Variants in XIRP2 observed in about 807,000 individuals in gnomAD.
The protein encoded by XIRP2 is xin actin binding repeat containing 2, also known as xin actin-binding repeat-containing protein 2.
In XIRP2, 236 loss-of-function variants were observed where a neutral mutation model predicts 277.0. The observed-to-expected ratio is 0.85, with a 90% CI of 0.77 to 0.95. The LOEUF (loss-of-function observed/expected upper bound fraction) is 0.95, where lower values mean the gene tolerates loss of function less well. Ranked by LOEUF, XIRP2 falls within the 40% of genes least tolerant of loss-of-function variation. The pLI is 0.00. For missense variants in XIRP2, 4,640 were observed against 4,157.5 expected (o/e 1.12, Z -3.19); for synonymous variants, 1,490 against 1,416.5 (o/e 1.05, Z -1.17).
At chr2:167,005,593 T>C (rs1186490423) in intron 2 of XIRP2, among the ~76,000 whole-genome samples, 1 of 151,842 alleles carries the variant, frequency 6.6e-6, no homozygotes, top group Non-Finnish European at 1.5e-5. Context: ...GAGAAGGCTT[T>C]AGAATGAATT....
chr2:167,185,061 A>T (rs1285064567), intron 3 of XIRP2, among the ~76,000 whole-genome samples: 1 of 152,150 alleles, frequency 6.6e-6, no homozygotes, highest in Non-Finnish European at 1.5e-5. Flanking sequence ...TTATTAAATG[A>T]AGAATGAAAT....
At chr2:167,021,999 A>G (rs746039177) in intron 2 of XIRP2, among the ~76,000 whole-genome samples, 6 of 152,230 alleles carry the variant, frequency 3.9e-5, no homozygotes, top group Middle Eastern at 3.4e-3. Context: ...AAAAGTAAAG[A>G]TTAAACTATG....
intron 2 of XIRP2, among the ~76,000 whole-genome samples, chr2:166,925,828 G>A (rs1190790225): frequency 2.0e-5 from 3 of 151,504 alleles, no homozygotes; most frequent in Admixed American, 6.6e-5. Flanking sequence ...TAAGCACTTC[G>A]GGAGGCCTAG....
Position 167,227,943 on chromosome 2 carries a change from G to A in XIRP2, c.858+9643G>A, listed in dbSNP as rs139499477. On this transcript the variant is annotated intron_variant, in intron 5 of 10. Coordinates refer to ENST00000409195, the MANE Select transcript of XIRP2 (RefSeq NM_152381.6). ...GGGTGATGCAACCTATACATCTAAC[G>A]TGTCTTGGGTTTGTATCTTTGATAT... Among the ~76,000 whole-genome samples the A allele has an allele frequency of 3.3e-5, 5 of 151,918 alleles. No individual in the cohort carries two copies. The South Asian group carries it at 6.2e-4, about 19-fold the overall frequency.
In XIRP2 at chr2:167,250,851, C is replaced by T. The variant is rs1485285848; in HGVS notation, c.9459C>T (p.Pro3153=). Reference sequence around the variant, plus strand: ...CTAAAAAGGACAGTTATGTTGAACCCCCACCAAGAAGGCCCATGTCGCAAA... The same window carrying T: ...CTAAAAAGGACAGTTATGTTGAACCTCCACCAAGAAGGCCCATGTCGCAAA... ...QSPKKDSYVE[P]PPRRPMSQKS... is the part of the protein sequence containing the mutation. Residue 3153 remains proline (P), a synonymous_variant, in exon 9 of 11, where the codon CCC becomes CCT. Coordinates refer to ENST00000409195, the MANE Select transcript of XIRP2 (RefSeq NM_152381.6). 6.2e-7 allele frequency: 1 copy of T among 1,613,298 alleles called. No homozygotes were observed. Among genetic ancestry groups the T allele is most frequent in the African/African-American group, 1.3e-5 (1 of 74,738 alleles).
intron 2 of XIRP2, among the ~76,000 whole-genome samples, chr2:167,020,308 T>C (rs915906123): frequency 6.6e-6 from 1 of 152,020 alleles, no homozygotes; most frequent in Non-Finnish European, 1.5e-5. Flanking sequence ...ATAATATGTT[T>C]ATATACTATT....
At chr2:167,076,897 T>C (rs1463189852) in intron 2 of XIRP2, among the ~76,000 whole-genome samples, 2 of 152,098 alleles carry the variant, frequency 1.3e-5, no homozygotes, top group African/African-American at 2.4e-5. Flanking sequence ...AGTGGGGCAA[T>C]CTCGGCTCAC....
At chr2:167,013,973 A>G (rs954487598) in intron 2 of XIRP2, among the ~76,000 whole-genome samples, 1 of 151,354 alleles carries the variant, frequency 6.6e-6, no homozygotes, top group African/African-American at 2.4e-5. Flanking sequence ...GATTTGTGGA[A>G]CAAACTGAAT....
At chr2:167,016,654 C>T (rs932526476) in intron 2 of XIRP2, among the ~76,000 whole-genome samples, 34 of 151,722 alleles carry the variant, frequency 2.2e-4, no homozygotes, top group Middle Eastern at 3.4e-3. Context: ...TAGAATCAAA[C>T]GAAAAGATAC....
At chr2:167,216,833 C>T (rs1279128581) in intron 4 of XIRP2, among the ~76,000 whole-genome samples, 11 of 119,260 alleles carry the variant, frequency 9.2e-5, no homozygotes, top group East Asian at 4.6e-4. Flanking sequence ...CACATGCACA[C>T]GTATGTTTAT....
chr2:166,892,803 T>C (rs985084938), intron 1 of XIRP2, among the ~76,000 whole-genome samples: 5 of 113,548 alleles, frequency 4.4e-5, no homozygotes, highest in South Asian at 3.0e-4. Context: ...GATCATTTCA[T>C]AGAAGATATA....
At position 167,040,963 on chromosome 2, in the gene XIRP2, G is replaced by A. The variant is rs898567628; in HGVS notation, c.409-94946G>A. On this transcript the variant is annotated intron_variant, in intron 2 of 10. Transcript: ENST00000409195. ...TGCCCACACATGCATGGGACAGCCC[G>A]TTGCCCTGCTGCCGCCCTGACAAAG... Among the ~76,000 whole-genome samples the A allele has an allele frequency of 5.9e-5, 9 of 152,150 alleles. No homozygotes were observed. The South Asian group carries it at 6.2e-4, about 10-fold the overall frequency.
chr2:167,030,814 T>C (rs2105504017), intron 2 of XIRP2, among the ~76,000 whole-genome samples: 1 of 152,254 alleles, frequency 6.6e-6, no homozygotes, highest in South Asian at 2.1e-4. Flanking sequence ...ACTAATATTG[T>C]GTGGTAGTCT....
intron 5 of XIRP2, among the ~76,000 whole-genome samples, chr2:167,236,454 T>C (rs1694901981): frequency 6.6e-6 from 1 of 152,042 alleles, no homozygotes; most frequent in Non-Finnish European, 1.5e-5. Flanking sequence ...AGTTGGTTAA[T>C]ATATAAGCTG....
At chr2:167,191,470 C>A (rs896736804) in intron 3 of XIRP2, among the ~76,000 whole-genome samples, 1 of 151,996 alleles carries the variant, frequency 6.6e-6, no homozygotes, top group South Asian at 2.1e-4. Context: ...CCCATGACTC[C>A]GGATACATTT....
intron 2 of XIRP2, among the ~76,000 whole-genome samples, chr2:167,029,735 A>C (rs1027217979): frequency 6.6e-6 from 1 of 152,090 alleles, no homozygotes; most frequent in Non-Finnish European, 1.5e-5. Flanking sequence ...TGAGTTAGGG[A>C]GGAGTCCCTC....
chr2:167,060,429 T>TA (rs1689147987), intron 2 of XIRP2, among the ~76,000 whole-genome samples: 1 of 152,092 alleles, frequency 6.6e-6, no homozygotes, highest in Non-Finnish European at 1.5e-5. Context: ...CTGACAAGCC[T>TA]AAAAAAAGGG....
At chr2:166,976,157 C>A (rs1477023246) in intron 2 of XIRP2, among the ~76,000 whole-genome samples, 2 of 152,018 alleles carry the variant, frequency 1.3e-5, no homozygotes, top group African/African-American at 2.4e-5. Context: ...CCTACTAGGC[C>A]CAGATCTGCA....
At chr2:167,227,518 T>C (rs570778537) in intron 5 of XIRP2, among the ~76,000 whole-genome samples, 2 of 152,098 alleles carry the variant, frequency 1.3e-5, no homozygotes, top group Admixed American at 6.6e-5. Context: ...CTGGGCAACA[T>C]AGCAAAACCC....
Sources: gnomAD v4.1 joint callset for allele counts (sites outside exome capture counted in the v4.1 genomes callset) on GRCh38, gnomAD v4.1.1 for gene constraint, MANE v1.5 for transcripts, NCBI Gene and HGNC (gene_info 2026-07-23, HGNC 2026-07-21) for gene names.